The following PI4KA variants were observed in gnomAD, a reference collection of about 807,000 sequenced individuals.
PI4KA encodes the protein phosphatidylinositol 4-kinase alpha.
PI4KA carries 122 observed loss-of-function variants against 271.4 expected under a neutral mutation model. The ratio of observed to expected loss-of-function variants is 0.45; its 90% confidence interval spans 0.39 to 0.52. The LOEUF is 0.52. Ranked by LOEUF, PI4KA falls within the 20% of genes least tolerant of loss-of-function variation. The pLI, the probability that PI4KA is intolerant of heterozygous loss-of-function variation, is 0.00. For missense variants in PI4KA, 1,969 were observed against 2,769.1 expected (o/e 0.71, Z 6.48); for synonymous variants, 1,041 against 1,078.8 (o/e 0.96, Z 0.69).
intron 19 of PI4KA, chr22:20,787,374 T>G (rs1569033944): frequency 2.5e-6 from 1 of 407,162 alleles, no homozygotes; most frequent in Non-Finnish European, 4.6e-6. Flanking sequence ...CACCTCCCGC[T>G]CCGGTGACCC....
rs191544736 is a variant in PI4KA, at chr22:20,753,644, G to A, written c.2792-464C>T. Among the ~76,000 whole-genome samples the A allele has an allele frequency of 3.3e-4, 50 of 152,260 alleles. 1 individual carries two copies. In the East Asian group the frequency reaches 9.3e-3, roughly 28 times the overall value. On this transcript the variant is annotated intron_variant, in intron 23 of 54. Transcript: ENST00000255882. ...TGTCCATGATAAGACTAGGGTTACA[G>A]GATTTGAGGGAGAACTCCATAGAGT...
chr22:20,795,170 T>G (rs1439879382), intron 18 of PI4KA, among the ~76,000 whole-genome samples: 1 of 152,176 alleles, frequency 6.6e-6, no homozygotes, highest in African/African-American at 2.4e-5. Flanking sequence ...TAATTTATAG[T>G]ACCCCCGACT....
rs1209166808 is a variant in PI4KA at position 20,708,757 on chromosome 22, C to T, written c.6257+539G>A. Among the ~76,000 whole-genome samples the T allele has an allele frequency of 9.7e-5, 11 of 113,240 alleles. No homozygotes were observed. The East Asian group carries it at 1.1e-3, about 11-fold the overall frequency. The allele number at this position is 113,240 out of a possible 152,430, so 74.3% of individuals were successfully genotyped here. On this transcript the variant is annotated intron_variant, in intron 54 of 54. Coordinates refer to ENST00000255882, the MANE Select transcript of PI4KA (RefSeq NM_058004.4). ...ATGGCTCACTTGCTGGGATCGCCAT[C>T]CTCCCTTTGTTCAGGCCGGACCCCT... is the stretch of plus-strand genomic sequence containing the variant.
At position 20,804,937 on chromosome 22, in the gene PI4KA, C is replaced by T. The variant is rs372217327; in HGVS notation, c.1360+37G>A. The stretch of plus-strand genomic sequence containing the variant: ...TGGCAAGAAAGCCTCTGGGTCATGC[C>T]TGGAGCTCACATGAGAGGCAAGGCA... On this transcript the variant is annotated intron_variant, in intron 11 of 54. Transcript: ENST00000255882. 22 of 1,538,426 alleles carry T rather than the reference C, an allele frequency of 1.4e-5. No individual in the cohort carries two copies. The African/African-American group carries it at 2.3e-4, about 16-fold the overall frequency.
At chr22:20,799,330 G>C in intron 15 of PI4KA, 54 bp from the exon 16 acceptor site, 1 of 1,431,654 alleles carries the variant, frequency 7.0e-7, no homozygotes, top group Non-Finnish European at 9.4e-7. Context: ...GCATGCAGTA[G>C]TGAAACAGTA....
intron 8 of PI4KA, among the ~76,000 whole-genome samples, chr22:20,811,372 T>A (rs189930527): frequency 6.6e-6 from 1 of 152,214 alleles, no homozygotes; most frequent in East Asian, 1.9e-4. Context: ...ACAGGCACAG[T>A]TGTGTGACAT....
chr22:20,790,744 C>CA (rs1484579785), intron 19 of PI4KA, among the ~76,000 whole-genome samples: 2 of 121,990 alleles, frequency 1.6e-5, no homozygotes, highest in Non-Finnish European at 3.6e-5. Flanking sequence ...ACACACACAA[C>CA]AAAAAAAACC....
At chr22:20,800,073 T>G (rs547394204) in intron 14 of PI4KA, among the ~76,000 whole-genome samples, 9 of 152,200 alleles carry the variant, frequency 5.9e-5, no homozygotes, top group Non-Finnish European at 1.3e-4. Context: ...CAGTGACTGA[T>G]TCCAAAGACA....
chr22:20,857,919 C>T (rs977920511), intron 1 of PI4KA, among the ~76,000 whole-genome samples: 3 of 152,176 alleles, frequency 2.0e-5, no homozygotes, highest in South Asian at 2.1e-4. Flanking sequence ...GAAGCAATTC[C>T]AAGTTCACTT....
intron 1 of PI4KA, among the ~76,000 whole-genome samples, chr22:20,851,788 G>GTATT (rs1460560211): frequency 6.6e-6 from 1 of 152,172 alleles, no homozygotes; most frequent in Non-Finnish European, 1.5e-5. Context: ...CCTCAACTCT[G>GTATT]TATTTATTTG....
At chr22:20,836,236 C>A (rs1350607511) in intron 2 of PI4KA, among the ~76,000 whole-genome samples, 2 of 152,140 alleles carry the variant, frequency 1.3e-5, no homozygotes, top group Non-Finnish European at 2.9e-5. Flanking sequence ...GCCACCCCAA[C>A]CGATGCTAAA....
chr22:20,784,406 TGA>T (rs1157825718), intron 19 of PI4KA, among the ~76,000 whole-genome samples: 3 of 152,080 alleles, frequency 2.0e-5, no homozygotes, highest in Non-Finnish European at 2.9e-5. Flanking sequence ...ATTTGTTGCT[TGA>T]GATAAGAGAT....
intron 50 of PI4KA, 104 bp from the exon 51 acceptor site, chr22:20,711,565 C>T (rs1465062129): frequency 8.4e-7 from 1 of 1,193,112 alleles, no homozygotes; most frequent in East Asian, 2.5e-5. Flanking sequence ...CTCCCTGGCT[C>T]TGTACCCCCA....
Position 20,802,036 on chromosome 22 carries a change from C to A in PI4KA, c.1661G>T (p.Gly554Val). 6.2e-7 allele frequency: 1 copy of A among 1,614,072 alleles called. No individual in the cohort carries two copies. The highest frequency in any genetic ancestry group is 8.5e-7 in the Non-Finnish European group (1 of 1,179,954). Residue 554 changes from glycine (G) to valine (V), a missense_variant, in exon 14 of 55, where the codon GGT becomes GTT. By Grantham distance (109) the Gly-to-Val change is moderately radical. This residue lies in a region of PI4KA where 228 missense variants were observed against 261.6 expected (regional missense o/e 0.87). Coordinates refer to ENST00000255882, the MANE Select transcript of PI4KA (RefSeq NM_058004.4). ...HSESTLNVMS[G>V]KKSQPSMYEQ... ...GTACATGGAGGGCTGGCTCTTCTTA[C>A]CCGACATGACGTTCAGGGTTGACTC...
chr22:20,713,015 G>C (rs1227236083), intron 48 of PI4KA: 3 of 616,932 alleles, frequency 4.9e-6, no homozygotes, highest in Non-Finnish European at 8.6e-6. Context: ...AGGCTGAGCT[G>C]TCTGGTGGGG....
chr22:20,722,481 C>G (rs1190201825), intron 42 of PI4KA, among the ~76,000 whole-genome samples: 1 of 152,182 alleles, frequency 6.6e-6, no homozygotes, highest in South Asian at 2.1e-4. Context: ...GCCACCGCAC[C>G]TGGCCAGGAA....
At chr22:20,817,357 T>C (rs1379753332) in intron 7 of PI4KA, among the ~76,000 whole-genome samples, 2 of 152,096 alleles carry the variant, frequency 1.3e-5, no homozygotes, top group African/African-American at 4.8e-5. Flanking sequence ...AATTTTAACA[T>C]GTGTCTGACA....
chr22:20,711,857 G>A (rs1925326769), intron 50 of PI4KA, among the ~76,000 whole-genome samples: 1 of 151,380 alleles, frequency 6.6e-6, no homozygotes, highest in South Asian at 2.1e-4. Flanking sequence ...AGATTCTCCT[G>A]CCTCAGCCTC....
intron 23 of PI4KA, among the ~76,000 whole-genome samples, chr22:20,755,484 G>C (rs1931183334): frequency 6.6e-6 from 1 of 152,158 alleles, no homozygotes; most frequent in Non-Finnish European, 1.5e-5. Flanking sequence ...CATTGTTACA[G>C]AGGTGCCAAG....
Sources: gnomAD v4.1 joint callset for allele counts (sites outside exome capture counted in the v4.1 genomes callset) on GRCh38, gnomAD v4.1.1 for gene constraint, gnomAD v4.1.1 regional missense constraint, MANE v1.5 for transcripts, NCBI Gene and HGNC (gene_info 2026-07-23, HGNC 2026-07-21) for gene names.